SLC24A3: variants seen among roughly 807,000 people sequenced by gnomAD.
SLC24A3 encodes the protein sodium/potassium/calcium exchanger 3.
In SLC24A3, 28 loss-of-function variants were observed where a neutral mutation model predicts 75.8. The observed-to-expected ratio is 0.37, with a 90% CI of 0.27 to 0.51. SLC24A3 has a LOEUF of 0.51. Ranked by LOEUF, SLC24A3 falls within the 20% of genes least tolerant of loss-of-function variation. The probability of loss-of-function intolerance (pLI) is 0.94; values close to 1 mark genes in which losing one functional copy is unlikely to be tolerated. For synonymous variants in SLC24A3, 372 were observed against 334.1 expected (o/e 1.11, Z -1.24); for missense variants, 663 against 847.8 (o/e 0.78, Z 2.71).
rs765227499 is a variant in SLC24A3, at chr20:19,546,179, A to AAAAAAAAAAAAAAAAAAAAAAC, written c.348+30624_348+30625insAAAAAAAAAAAACAAAAAAAAA. On this transcript the variant is annotated intron_variant, in intron 3 of 16. Transcript: ENST00000328041. The stretch of plus-strand genomic sequence containing the variant: ...GTCTCAAAAAAAAAAAAAAAAAAAA[A>AAAAAAAAAAAAAAAAAAAAAAC]AAAAAAAAACCAGGTAATCGACCTG... 7.6e-4 allele frequency among the ~76,000 whole-genome samples: 112 copies of AAAAAAAAAAAAAAAAAAAAAAC among 147,560 alleles called. 4 individuals are homozygous for AAAAAAAAAAAAAAAAAAAAAAC. The highest frequency in any genetic ancestry group is 1.5e-3 in the Non-Finnish European group (97 of 65,564).
intron 8 of SLC24A3, among the ~76,000 whole-genome samples, chr20:19,671,232 C>T (rs2032462914): frequency 1.3e-5 from 2 of 152,132 alleles, no homozygotes; most frequent in South Asian, 4.1e-4. Context: ...AGTGCAAAGG[C>T]TCTGGGAGAG....
chr20:19,649,507 T>C (rs2032176227), intron 6 of SLC24A3, among the ~76,000 whole-genome samples: 1 of 152,212 alleles, frequency 6.6e-6, no homozygotes, highest in African/African-American at 2.4e-5. Context: ...GTTTTTATAG[T>C]AACTCTTTTT....
chr20:19,485,525 G>A (rs1267261224), intron 2 of SLC24A3, among the ~76,000 whole-genome samples: 1 of 152,210 alleles, frequency 6.6e-6, no homozygotes, highest in Non-Finnish European at 1.5e-5. Flanking sequence ...TCTGGGCCAG[G>A]AGTTGGGCGA....
At chr20:19,497,161 T>G (rs1009685754) in intron 2 of SLC24A3, among the ~76,000 whole-genome samples, 2 of 152,210 alleles carry the variant, frequency 1.3e-5, no homozygotes, top group African/African-American at 2.4e-5. Flanking sequence ...TCCATCAGGA[T>G]GTATCTCAGG....
intron 9 of SLC24A3, among the ~76,000 whole-genome samples, chr20:19,674,574 G>A (rs1482192925): frequency 6.6e-6 from 1 of 152,150 alleles, no homozygotes; most frequent in Non-Finnish European, 1.5e-5. Context: ...TAATATCCCA[G>A]AAGTCACACG....
chr20:19,375,250 C>T (rs548129231), intron 2 of SLC24A3, among the ~76,000 whole-genome samples: 1 of 152,292 alleles, frequency 6.6e-6, no homozygotes, highest in Non-Finnish European at 1.5e-5. Flanking sequence ...TCGCCAGGCT[C>T]CTTAGGGAGA....
intron 6 of SLC24A3, among the ~76,000 whole-genome samples, chr20:19,628,284 G>A (rs1190409017): frequency 6.6e-6 from 1 of 151,714 alleles, no homozygotes; most frequent in African/African-American, 2.4e-5. Context: ...TCATATCACT[G>A]ATGAGTAGAG....
chr20:19,720,341 A>T (rs1014809718), intron 16 of SLC24A3, among the ~76,000 whole-genome samples: 2 of 152,222 alleles, frequency 1.3e-5, no homozygotes, highest in Admixed American at 1.3e-4. Context: ...TTGAAATCAC[A>T]GAGAAAGTCA....
At chr20:19,423,913 G>T (rs988848623) in intron 2 of SLC24A3, among the ~76,000 whole-genome samples, 3 of 152,204 alleles carry the variant, frequency 2.0e-5, no homozygotes, top group African/African-American at 7.2e-5. Context: ...GCCTGGAGGG[G>T]TAGGGGAGGG....
chr20:19,634,927 C>T (rs1365263939), intron 6 of SLC24A3, among the ~76,000 whole-genome samples: 1 of 152,124 alleles, frequency 6.6e-6, no homozygotes, highest in Non-Finnish European at 1.5e-5. Context: ...CACCATCCAA[C>T]CAAGATAGAA....
intron 9 of SLC24A3, 95 bp from the exon 10 acceptor site, chr20:19,681,763 C>T: frequency 6.3e-7 from 1 of 1,591,394 alleles, no homozygotes; most frequent in South Asian, 1.1e-5. Context: ...ACTGTGCATG[C>T]AGACTGGGAG....
At chr20:19,685,063 C>A in intron 11 of SLC24A3, 37 bp from the exon 12 acceptor site, 2 of 1,564,328 alleles carry the variant, frequency 1.3e-6, no homozygotes, top group Non-Finnish European at 8.7e-7. Context: ...TTTGCAATCC[C>A]TCTGACCGTG....
intron 4 of SLC24A3, among the ~76,000 whole-genome samples, chr20:19,583,009 C>T (rs1015951828): frequency 1.6e-4 from 25 of 152,300 alleles, no homozygotes; most frequent in Middle Eastern, 3.4e-3. Context: ...CTACTCACCC[C>T]TCTGACGTCA....
chr20:19,688,278 G>GGCTA (rs574255831), intron 12 of SLC24A3, among the ~76,000 whole-genome samples: 67 of 152,342 alleles, frequency 4.4e-4, no homozygotes, highest in African/African-American at 1.4e-3. Context: ...AGCACGGAGA[G>GGCTA]GCTAGAGACC....
At chr20:19,646,288 T>C (rs1373734163) in intron 6 of SLC24A3, among the ~76,000 whole-genome samples, 9 of 152,190 alleles carry the variant, frequency 5.9e-5, no homozygotes, top group Non-Finnish European at 1.3e-4. Context: ...TAAATTTTAA[T>C]TTTAGATAAG....
intron 3 of SLC24A3, among the ~76,000 whole-genome samples, chr20:19,551,872 A>G (rs944840771): frequency 6.6e-6 from 1 of 152,164 alleles, no homozygotes. Context: ...TGCCTGATCT[A>G]TCATTGGGGC....
intron 2 of SLC24A3, among the ~76,000 whole-genome samples, chr20:19,422,550 G>A (rs1216062947): frequency 5.3e-5 from 8 of 152,162 alleles, no homozygotes; most frequent in African/African-American, 1.9e-4. Context: ...TGTTGAAAAT[G>A]CTGACGGTCA....
At chr20:19,293,378 G>A (rs1284878023) in intron 2 of SLC24A3, among the ~76,000 whole-genome samples, 3 of 152,044 alleles carry the variant, frequency 2.0e-5, no homozygotes, top group Admixed American at 6.6e-5. Context: ...TTTCCTGGCT[G>A]GGCATGGTGG....
chr20:19,426,494 C>A (rs1488423467), intron 2 of SLC24A3, among the ~76,000 whole-genome samples: 1 of 152,178 alleles, frequency 6.6e-6, no homozygotes, highest in Non-Finnish European at 1.5e-5. Context: ...GCTTACATTT[C>A]AAAAAGTCAA....
Sources: allele counts gnomAD v4.1 joint callset (sites outside exome capture counted in the v4.1 genomes callset), GRCh38; gene constraint gnomAD v4.1.1; transcripts MANE v1.5; gene names NCBI Gene and HGNC (gene_info 2026-07-23, HGNC 2026-07-21).